Variants in DMD observed in about 807,000 individuals in gnomAD.
The protein encoded by DMD is mutant dystrophin.
Under a neutral mutation model 330.1 loss-of-function variants are expected in DMD, and 63 were observed. That is an observed-to-expected ratio of 0.19 (90% CI 0.16 to 0.24). The LOEUF (loss-of-function observed/expected upper bound fraction) is 0.24. DMD is among the 10% of genes least tolerant of loss of function. DMD has a pLI of 1.00. For synonymous variants in DMD, 1,223 were observed against 959.8 expected, an observed-to-expected ratio of 1.27 and a Z score of -5.07; for missense variants, 3,344 against 2,684.1, an observed-to-expected ratio of 1.25 and a Z score of -5.43.
intron 18 of DMD, among the ~76,000 whole-genome samples, chrX:32,512,410 C>T (rs535389507): frequency 1.8e-5 from 2 of 112,032 alleles, no homozygotes; most frequent in African/African-American, 6.5e-5. Flanking sequence ...TTGTTCTATC[C>T]TTCATATTGG....
chrX:32,144,688 A>G (rs920595521), intron 44 of DMD, among the ~76,000 whole-genome samples: 1 of 112,214 alleles, frequency 8.9e-6, no homozygotes, highest in Admixed American at 9.5e-5. Context: ...TTTAGTCTTC[A>G]TGATGTTAAA....
chrX:32,060,986 C>A (rs142376879), intron 44 of DMD, among the ~76,000 whole-genome samples: 5 of 111,135 alleles, frequency 4.5e-5, no homozygotes, highest in Non-Finnish European at 7.6e-5. Flanking sequence ...GATAATAAAA[C>A]GCACTTTGGC....
intron 7 of DMD, among the ~76,000 whole-genome samples, chrX:32,768,027 G>C (rs1010614286): frequency 9.0e-6 from 1 of 111,725 alleles, no homozygotes; most frequent in African/African-American, 3.2e-5. Flanking sequence ...TCAATTTCCA[G>C]CAATGTTTCA....
intron 9 of DMD, among the ~76,000 whole-genome samples, chrX:32,645,381 A>C (rs1882821396): frequency 8.9e-6 from 1 of 112,283 alleles, no homozygotes; most frequent in Non-Finnish European, 1.9e-5. Context: ...ATATTGTATT[A>C]AAGCTCTTCT....
intron 44 of DMD, among the ~76,000 whole-genome samples, chrX:32,044,595 T>G: frequency 9.1e-6 from 1 of 110,013 alleles, no homozygotes; most frequent in African/African-American, 3.3e-5. Flanking sequence ...CTAATTTTTT[T>G]GTATTTTTAG....
chrX:32,315,952 G>A (rs5972521), intron 41 of DMD, among the ~76,000 whole-genome samples: 5,654 of 111,420 alleles, frequency 0.051, 357 homozygotes, highest in African/African-American at 0.17. Flanking sequence ...TTGTAATTCT[G>A]TATCTGGTTC....
chrX:32,605,440 T>C (rs1199529462), intron 12 of DMD, among the ~76,000 whole-genome samples: 2 of 109,577 alleles, frequency 1.8e-5, no homozygotes, highest in African/African-American at 6.6e-5. Flanking sequence ...GACCTGAAAA[T>C]ATAAAAATCC....
intron 1 of DMD, among the ~76,000 whole-genome samples, chrX:33,197,414 T>C (rs1289075048): frequency 9.0e-6 from 1 of 111,431 alleles, no homozygotes; most frequent in Non-Finnish European, 1.9e-5. Flanking sequence ...CTTTACCAGA[T>C]AGACAAGTAT....
chrX:32,675,891 T>G (rs1291799039), intron 9 of DMD, among the ~76,000 whole-genome samples: 8 of 111,918 alleles, frequency 7.1e-5, no homozygotes, highest in Admixed American at 1.9e-4. Flanking sequence ...TAGTAATTTT[T>G]GTGACATTAT....
In DMD at chrX:32,909,451, G is replaced by A. The variant is rs191242579; in HGVS notation, c.94-59631C>T. Among the ~76,000 whole-genome samples, 298 of 111,613 alleles carry A rather than the reference G, an allele frequency of 2.7e-3. 1 individual carries two copies. The highest frequency in any genetic ancestry group is 9.1e-3 in the African/African-American group (281 of 30,775). Reference sequence around the variant, plus strand: ...ATGAGGAGTATCTCGCCACGTCAGAGGAGTGAGTATCCTTCTGCCTTCTTA... The same window carrying A: ...ATGAGGAGTATCTCGCCACGTCAGAAGAGTGAGTATCCTTCTGCCTTCTTA... On this transcript the variant is annotated intron_variant, in intron 2 of 78. Coordinates refer to ENST00000357033, the MANE Select transcript of DMD (RefSeq NM_004006.3).
chrX:31,560,482 AT>A, intron 55 of DMD, among the ~76,000 whole-genome samples: 1 of 111,994 alleles, frequency 8.9e-6, no homozygotes, highest in South Asian at 3.8e-4. Flanking sequence ...ACAAAGCTGA[AT>A]GGGCTTCACA....
intron 1 of DMD, among the ~76,000 whole-genome samples, chrX:33,073,326 C>G (rs1372561276): frequency 8.9e-6 from 1 of 111,849 alleles, no homozygotes; most frequent in Non-Finnish European, 1.9e-5. Flanking sequence ...TCACAAAGCA[C>G]TAAGAGGCTT....
At chrX:31,306,481 C>T (rs2055044216) in intron 62 of DMD, among the ~76,000 whole-genome samples, 1 of 111,466 alleles carries the variant, frequency 9.0e-6, no homozygotes, top group African/African-American at 3.3e-5. Context: ...GTTTTATATC[C>T]CAAATTAAAT....
chrX:32,997,432 G>T (rs2093152930), intron 2 of DMD, among the ~76,000 whole-genome samples: 1 of 111,198 alleles, frequency 9.0e-6, no homozygotes, highest in African/African-American at 3.3e-5. Flanking sequence ...TTTTAGTAGA[G>T]ACAGGGTTTA....
intron 44 of DMD, among the ~76,000 whole-genome samples, chrX:32,021,860 A>G (rs1377275590): frequency 8.9e-6 from 1 of 111,784 alleles, no homozygotes; most frequent in Non-Finnish European, 1.9e-5. Flanking sequence ...ATTGGACAAC[A>G]CCACTTTAAA....
At chrX:32,296,963 A>G (rs2097499227) in intron 42 of DMD, among the ~76,000 whole-genome samples, 1 of 111,480 alleles carries the variant, frequency 9.0e-6, no homozygotes, top group Non-Finnish European at 1.9e-5. Context: ...GACAGCTGGA[A>G]GCACTTATAA....
intron 50 of DMD, among the ~76,000 whole-genome samples, chrX:31,788,979 G>GT (rs947161803): frequency 5.4e-5 from 6 of 110,631 alleles, no homozygotes; most frequent in African/African-American, 2.0e-4. Flanking sequence ...AAAAGATGAC[G>GT]TGAGTCTCTT....
intron 48 of DMD, among the ~76,000 whole-genome samples, chrX:31,839,678 TA>T (rs1167591061): frequency 1.8e-5 from 2 of 112,083 alleles, no homozygotes; most frequent in Non-Finnish European, 3.8e-5. Context: ...TCCTTTAAAC[TA>T]AAATTCCATT....
chrX:32,082,519 G>A, intron 44 of DMD, among the ~76,000 whole-genome samples: 1 of 111,387 alleles, frequency 9.0e-6, no homozygotes, highest in Non-Finnish European at 1.9e-5. Context: ...CAGCCCCCCA[G>A]TGTTGGGATT....
Sources: gnomAD v4.1 joint callset for allele counts (sites outside exome capture counted in the v4.1 genomes callset) on GRCh38, gnomAD v4.1.1 for gene constraint, MANE v1.5 for transcripts, NCBI Gene and HGNC (gene_info 2026-07-23, HGNC 2026-07-21) for gene names.